Variants in PCSK6 observed in about 807,000 individuals in gnomAD.
PCSK6 encodes proprotein convertase subtilisin/kexin type 6.
Under a neutral mutation model 123.3 loss-of-function variants are expected in PCSK6, and 85 were observed. The observed-to-expected ratio is 0.69, with a 90% CI of 0.58 to 0.83. The LOEUF (loss-of-function observed/expected upper bound fraction) is 0.83, where lower values mean the gene tolerates loss of function less well. Ranked by LOEUF, PCSK6 falls within the 40% of genes least tolerant of loss-of-function variation. The pLI, the probability that PCSK6 is intolerant of heterozygous loss-of-function variation, is 0.00. For missense variants in PCSK6, 1,191 were observed against 1,282.3 expected (o/e 0.93, Z 1.09); for synonymous variants, 508 against 516.0 (o/e 0.98, Z 0.21).
chr15:101,450,200 C>T (rs1358086951), intron 1 of PCSK6, among the ~76,000 whole-genome samples: 2 of 151,834 alleles, frequency 1.3e-5, no homozygotes, highest in African/African-American at 4.8e-5. Flanking sequence ...TCGCTGGCCT[C>T]TTAGTCTCTC....
At chr15:101,397,315 G>A (rs1386252834) in intron 7 of PCSK6, among the ~76,000 whole-genome samples, 4 of 152,072 alleles carry the variant, frequency 2.6e-5, no homozygotes, top group African/African-American at 4.8e-5. Context: ...AGGACTCGGG[G>A]GTGGGCAGAC....
intron 13 of PCSK6, among the ~76,000 whole-genome samples, chr15:101,339,210 TG>T (rs1250072077): frequency 1.3e-5 from 2 of 152,222 alleles, no homozygotes; most frequent in Non-Finnish European, 2.9e-5. Flanking sequence ...TTTGGATTCC[TG>T]GGTTTTCCTG....
chr15:101,476,472 T>C (rs750948557), intron 1 of PCSK6, among the ~76,000 whole-genome samples: 3 of 149,750 alleles, frequency 2.0e-5, no homozygotes, highest in Non-Finnish European at 4.4e-5. Context: ...TGTACGAGCA[T>C]GGGAAGATTC....
chr15:101,386,946 C>T (rs939568801), intron 9 of PCSK6, among the ~76,000 whole-genome samples: 2 of 152,204 alleles, frequency 1.3e-5, no homozygotes, highest in African/African-American at 2.4e-5. Context: ...CTCCCACCCT[C>T]GGCCCCCTCT....
At chr15:101,328,607 C>A (rs368869980) in intron 15 of PCSK6, among the ~76,000 whole-genome samples, 32 of 152,226 alleles carry the variant, frequency 2.1e-4, no homozygotes, top group Middle Eastern at 3.4e-3. Flanking sequence ...GTATGGACTT[C>A]ACACCCCCCA....
At chr15:101,363,396 C>A (rs575726809) in intron 13 of PCSK6, among the ~76,000 whole-genome samples, 5 of 152,324 alleles carry the variant, frequency 3.3e-5, no homozygotes, top group Admixed American at 6.5e-5. Flanking sequence ...GCATACAGCA[C>A]CAGCCTCCCA....
At chr15:101,419,924 C>G (rs112208063) in intron 6 of PCSK6, among the ~76,000 whole-genome samples, 23,365 of 151,938 alleles carry the variant, frequency 0.15, 2,062 homozygotes, top group Non-Finnish European at 0.2. Flanking sequence ...TAGTGGCTCA[C>G]ACCTGTAATC....
At position 101,331,871 on chromosome 15, in the gene PCSK6, T is replaced by C; in HGVS notation, c.2019A>G (p.Glu673=). The change falls in exon 14 of 22, where the codon GAA becomes GAG. Residue 673 remains glutamate (E), a synonymous_variant. Coordinates refer to ENST00000611716, the MANE Select transcript of PCSK6 (RefSeq NM_002570.5). ...CATTACCTGTGTAATCTTCCTCATC[T>C]TCAGGAACTTCCACCTGGGAGGGTG... is the stretch of plus-strand genomic sequence containing the variant. The part of the protein sequence containing the change: ...ALSPSQVEVP[E]DEEDYTAQST... 1 of 1,613,048 alleles carries C rather than the reference T, an allele frequency of 6.2e-7. No individual in the cohort carries two copies. Among genetic ancestry groups the C allele is most frequent in the South Asian group, 1.1e-5 (1 of 90,978 alleles).
intron 6 of PCSK6, among the ~76,000 whole-genome samples, chr15:101,424,075 G>GT (rs918154502): frequency 2.0e-5 from 3 of 151,654 alleles, no homozygotes; most frequent in South Asian, 2.1e-4. Flanking sequence ...AAAGGTGTGT[G>GT]TTTTTTTTAA....
At chr15:101,326,830 A>G (rs2040266343) in intron 15 of PCSK6, among the ~76,000 whole-genome samples, 1 of 152,076 alleles carries the variant, frequency 6.6e-6, no homozygotes, top group South Asian at 2.1e-4. Flanking sequence ...TGTTTCATTC[A>G]CTCACTTGCA....
rs367577442 is a variant in PCSK6, at chr15:101,382,166, G to T, written c.1458C>A (p.Leu486=). 1 of 1,613,034 alleles carries T rather than the reference G, an allele frequency of 6.2e-7. No individual in the cohort carries two copies. The highest frequency in any genetic ancestry group is 1.1e-5 in the South Asian group (1 of 90,664). The part of the protein sequence containing the change: ...YGFGLVDAEA[L]VVEAKKWTAV... ...CTGTCCACTTCTTTGCCTCCACAACGAGAGCTTCTGCGTCCACCAAACCAA... is the reference window on the plus strand; with the variant it reads ...CTGTCCACTTCTTTGCCTCCACAACTAGAGCTTCTGCGTCCACCAAACCAA... Residue 486 remains leucine (L), a synonymous_variant, in exon 11 of 22, where the codon CTC becomes CTA. Transcript: ENST00000611716.
chr15:101,471,872 G>A (rs761128592), intron 1 of PCSK6, among the ~76,000 whole-genome samples: 1 of 152,106 alleles, frequency 6.6e-6, no homozygotes, highest in East Asian at 1.9e-4. Context: ...CTCATGTAAG[G>A]TTTCTTTCAC....
At chr15:101,385,537 T>C (rs1000964328) in intron 9 of PCSK6, among the ~76,000 whole-genome samples, 1 of 152,228 alleles carries the variant, frequency 6.6e-6, no homozygotes, top group East Asian at 1.9e-4. Flanking sequence ...TATGGATGCA[T>C]TGTATAATGG....
At position 101,370,466 on chromosome 15, in the gene PCSK6, C is replaced by A; in HGVS notation, c.1590G>T (p.Glu530Asp). The A allele has an allele frequency of 6.5e-7, 1 of 1,549,892 alleles. No individual in the cohort carries two copies. Among genetic ancestry groups the A allele is most frequent in the Non-Finnish European group, 8.7e-7 (1 of 1,145,998 alleles). The change falls in exon 12 of 22, where the codon GAG (glutamate) becomes GAT (aspartate). Residue 530 changes from glutamate (E) to aspartate (D), a missense_variant. Transcript: ENST00000611716. ...RTTALTSACA[E>D]HSDQRVVYLE... ...AGTAGACCACCCGCTGGTCCGAGTG[C>A]TCCGCGCAGGCGCTGGTCAGGGCCG...
At position 101,384,404 on chromosome 15, in the gene PCSK6, G is replaced by T; in HGVS notation, c.1332C>A (p.Asp444Glu). ...LEANSQLTWR[D>E]VQHLLVKTSR... The stretch of plus-strand genomic sequence containing the variant: ...ATGTCTTCACTAGCAGGTGCTGGAC[G>T]TCCCTCCAGGTTAACTGGCTGCTGC... Residue 444 changes from aspartate to glutamate, a missense_variant, in exon 10 of 22, where the codon GAC becomes GAA. Physicochemically the swap from Asp to Glu is conservative, Grantham distance 45. Coordinates refer to ENST00000611716, the MANE Select transcript of PCSK6 (RefSeq NM_002570.5). 1 of 1,613,496 alleles carries T rather than the reference G, an allele frequency of 6.2e-7. No homozygotes were observed. The highest frequency in any genetic ancestry group is 8.5e-7 in the Non-Finnish European group (1 of 1,179,648).
Position 101,313,176 on chromosome 15 carries a change from C to G in PCSK6, c.2699+200G>C, listed in dbSNP as rs1251238488. 6 of 1,507,926 alleles carry G rather than the reference C, an allele frequency of 4.0e-6. No homozygotes were observed. In the Admixed American group the frequency reaches 1.0e-4, roughly 26 times the overall value. 93.4% of individuals were successfully genotyped at this position (1,507,926 alleles called of 1,614,324 possible). ...CCCGCTGCTGCACGGTGTCTGCCCA[C>G]AGCAGGGACCCAACAAATATGCATC... On this transcript the variant is annotated intron_variant, in intron 20 of 21. Transcript: ENST00000611716.
rs201024302 is a variant in PCSK6, at chr15:101,393,287, C to T, written c.1134G>A (p.Lys378=). ...SVSSATENGY[K]PWYLEECAST... The stretch of plus-strand genomic sequence containing the variant: ...AGGCACACTCTTCCAGGTACCAGGG[C>T]TTGTAGCCATTCTCGGTGGCGCTGC... Residue 378 remains lysine, a synonymous_variant, in exon 8 of 22, where the codon AAG becomes AAA. Coordinates refer to ENST00000611716, the MANE Select transcript of PCSK6 (RefSeq NM_002570.5). 6.2e-7 allele frequency: 1 copy of T among 1,613,112 alleles called. No homozygotes were observed.
At chr15:101,448,180 G>A (rs950118320) in intron 1 of PCSK6, among the ~76,000 whole-genome samples, 3 of 152,196 alleles carry the variant, frequency 2.0e-5, no homozygotes, top group Non-Finnish European at 4.4e-5. Context: ...ACAATTTGCT[G>A]AATACAGGGT....
At chr15:101,380,304 A>G (rs1236405130) in intron 11 of PCSK6, among the ~76,000 whole-genome samples, 3 of 152,228 alleles carry the variant, frequency 2.0e-5, no homozygotes, top group Non-Finnish European at 4.4e-5. Flanking sequence ...TGGCAGGAGA[A>G]GAATGCTTCA....
Sources: allele counts gnomAD v4.1 joint callset (sites outside exome capture counted in the v4.1 genomes callset), GRCh38; gene constraint gnomAD v4.1.1; transcripts MANE v1.5; gene names NCBI Gene and HGNC (gene_info 2026-07-23, HGNC 2026-07-21).